CD200: variants seen among roughly 807,000 people sequenced by gnomAD.
The protein encoded by CD200 is CD200 molecule.
In CD200, 15 loss-of-function variants were observed where a neutral mutation model predicts 30.9. The observed-to-expected ratio is 0.49, with a 90% CI of 0.32 to 0.75. The LOEUF (loss-of-function observed/expected upper bound fraction) is 0.75. Among genes scored for constraint, CD200 ranks in the 30% least tolerant of loss-of-function variants. CD200 has a pLI of 0.03. For synonymous variants in CD200, 134 were observed against 126.2 expected, an observed-to-expected ratio of 1.06 and a Z score of -0.41; for missense variants, 262 against 324.2, an observed-to-expected ratio of 0.81 and a Z score of 1.47.
rs375561928 is a variant in CD200 at position 112,335,200 on chromosome 3, A to AT, written c.12+1984dup. Among the ~76,000 whole-genome samples the AT allele has an allele frequency of 9.8e-3, 1,488 of 152,056 alleles. 28 individuals carry two copies. Among genetic ancestry groups the AT allele is most frequent in the African/African-American group, 0.034 (1,400 of 41,478 alleles). ...TACTGAGAAAATTATCGAGTTATAT[A>AT]TTTTTTTTCACTTCAAAACCAAAGC... On this transcript the variant is annotated intron_variant, in intron 1 of 5. Coordinates refer to ENST00000315711, the MANE Select transcript of CD200 (RefSeq NM_005944.7).
intron 2 of CD200, among the ~76,000 whole-genome samples, chr3:112,342,345 CTTT>C (rs2081271675): frequency 8.6e-5 from 1 of 11,608 alleles, no homozygotes; most frequent in African/African-American, 2.8e-4. Flanking sequence ...TTCCTTCTTT[CTTT>C]CTTTCTTTCT....
Position 112,333,206 on chromosome 3 carries a change from A to G in CD200, c.-7A>G, listed in dbSNP as rs1212189488. The G allele has an allele frequency of 3.9e-6, 6 of 1,549,896 alleles. No homozygotes were observed. The highest frequency in any genetic ancestry group is 5.2e-6 in the Non-Finnish European group (6 of 1,146,564). ...CAGCCACCTCGCGCGCGCCTCCAGGAGCAAGGATGGAGAGGCTGGTGAGCG... is the reference window on the plus strand; with the variant it reads ...CAGCCACCTCGCGCGCGCCTCCAGGGGCAAGGATGGAGAGGCTGGTGAGCG... On this transcript the variant is annotated 5_prime_UTR_variant, in exon 1 of 6. Transcript: ENST00000315711.
At chr3:112,346,879 T>C (rs2081407994) in intron 3 of CD200, among the ~76,000 whole-genome samples, 1 of 152,248 alleles carries the variant, frequency 6.6e-6, no homozygotes, top group African/African-American at 2.4e-5. Flanking sequence ...AATTTTCTCA[T>C]GAGCTAGTTA....
intron 2 of CD200, among the ~76,000 whole-genome samples, chr3:112,342,188 G>A (rs2081253293): frequency 6.6e-6 from 1 of 151,776 alleles, no homozygotes; most frequent in Non-Finnish European, 1.5e-5. Flanking sequence ...GAGGGTAGGA[G>A]GTTTGGAAGT....
chr3:112,356,329 ATTAC>A (rs1376785694), intron 5 of CD200, among the ~76,000 whole-genome samples: 1 of 141,760 alleles, frequency 7.1e-6, no homozygotes, highest in Non-Finnish European at 1.5e-5. Context: ...TTTTAAAAAT[ATTAC>A]TTATTATGAA....
chr3:112,337,662 A>T (rs1453025640), intron 1 of CD200, among the ~76,000 whole-genome samples: 2 of 152,174 alleles, frequency 1.3e-5, no homozygotes, highest in African/African-American at 4.8e-5. Context: ...TAAGTTAGGG[A>T]CTATATCTGC....
In CD200 at chr3:112,361,522, C is replaced by T. The variant is rs765343740; in HGVS notation, c.803-21C>T. 28 of 1,586,780 alleles carry T rather than the reference C, an allele frequency of 1.8e-5. No homozygotes were observed. In the South Asian group the frequency reaches 2.7e-4, roughly 15 times the overall value. Reference sequence around the variant, plus strand: ...AATTTACAAGTGTCCAAAGTTAATACCTTGTTTTTCTTTTATCCAGAGCCC... The same window carrying T: ...AATTTACAAGTGTCCAAAGTTAATATCTTGTTTTTCTTTTATCCAGAGCCC... On this transcript the variant is annotated intron_variant, in intron 5 of 5. Transcript: ENST00000315711.
At chr3:112,342,349 C>T (rs1576595341) in intron 2 of CD200, among the ~76,000 whole-genome samples, 2 of 37,868 alleles carry the variant, frequency 5.3e-5, no homozygotes, top group Admixed American at 2.6e-4. Flanking sequence ...TTCTTTCTTT[C>T]TTTCTTTCTT....
At chr3:112,332,943 CTT>C (rs1377859174), upstream of CD200, 146 of 530,700 alleles carry the variant, frequency 2.8e-4, no homozygotes, top group African/African-American at 6.8e-4. Flanking sequence ...TTTCCAAACA[CTT>C]TGTCAGTTTC....
intron 2 of CD200, among the ~76,000 whole-genome samples, chr3:112,342,402 T>TTTC (rs2081283414): frequency 1.4e-5 from 1 of 69,310 alleles, no homozygotes; most frequent in Non-Finnish European, 2.9e-5. Flanking sequence ...TCTTTCTTTC[T>TTTC]TTCTTTCTTT....
In CD200 at chr3:112,333,171, C is replaced by A; in HGVS notation, c.-42C>A. On this transcript the variant is annotated 5_prime_UTR_variant, in exon 1 of 6. Coordinates refer to ENST00000315711, the MANE Select transcript of CD200 (RefSeq NM_005944.7). The stretch of plus-strand genomic sequence containing the variant: ...CCTGCCTAGCAGAGCTCCAGGCGCA[C>A]ATCCGCAGTCAGCCACCTCGCGCGC... The A allele has an allele frequency of 6.5e-7, 1 of 1,548,682 alleles. No individual in the cohort carries two copies.
intron 5 of CD200, among the ~76,000 whole-genome samples, chr3:112,358,343 A>G (rs2081667865): frequency 6.9e-6 from 1 of 145,706 alleles, no homozygotes; most frequent in Non-Finnish European, 1.5e-5. Flanking sequence ...AAGTCATTTC[A>G]GTAGCAGTCT....
intron 5 of CD200, among the ~76,000 whole-genome samples, chr3:112,357,508 A>G (rs2081650767): frequency 6.6e-6 from 1 of 152,162 alleles, no homozygotes; most frequent in African/African-American, 2.4e-5. Flanking sequence ...TCATTTTTGT[A>G]ATTACTAAAT....
rs564916483 is a variant in CD200, at chr3:112,353,999, G to A, written c.802+4180G>A. Among the ~76,000 whole-genome samples, 10 of 152,210 alleles carry A rather than the reference G, an allele frequency of 6.6e-5. No individual in the cohort carries two copies. In the South Asian group the frequency reaches 1.5e-3, roughly 22 times the overall value. On this transcript the variant is annotated intron_variant, in intron 5 of 5. Coordinates refer to ENST00000315711, the MANE Select transcript of CD200 (RefSeq NM_005944.7). ...TCTTGAATTCCAGGGCTATTTTTCCGCAAAAATTTTACAAATTTTGGGTGA... is the reference window on the plus strand; with the variant it reads ...TCTTGAATTCCAGGGCTATTTTTCCACAAAAATTTTACAAATTTTGGGTGA...
chr3:112,345,097 C>A lies in CD200; in HGVS notation c.230C>A (p.Thr77Asn), dbSNP rs1336469669. The change falls in exon 3 of 6, where the codon ACC (threonine) becomes AAC (asparagine). Residue 77 changes from threonine (T) to asparagine (N), a missense_variant. Thr to Asn is a moderately conservative substitution (Grantham distance 65, BLOSUM62 0). Coordinates refer to ENST00000315711, the MANE Select transcript of CD200 (RefSeq NM_005944.7). The part of the protein sequence containing the change: ...KKAVSPENMV[T>N]FSENHGVVIQ... ...GCTGTAAGCCCAGAAAACATGGTCA[C>A]CTTCAGCGAGAACCATGGGGTGGTG... 2 of 1,614,058 alleles carry A rather than the reference C, an allele frequency of 1.2e-6. No individual in the cohort carries two copies. Among genetic ancestry groups the A allele is most frequent in the Non-Finnish European group, 1.7e-6 (2 of 1,179,990 alleles).
At chr3:112,353,905 G>T (rs2081581808) in intron 5 of CD200, among the ~76,000 whole-genome samples, 2 of 152,138 alleles carry the variant, frequency 1.3e-5, no homozygotes, top group Non-Finnish European at 2.9e-5. Context: ...GAAGAAATGT[G>T]ATGCTTTACA....
intron 2 of CD200, among the ~76,000 whole-genome samples, chr3:112,343,226 A>C (rs1385382798): frequency 1.3e-5 from 2 of 151,872 alleles, no homozygotes; most frequent in African/African-American, 2.4e-5. Context: ...TATAAAGTAT[A>C]TAGTGTATAT....
chr3:112,354,628 G>A (rs1189650848), intron 5 of CD200, among the ~76,000 whole-genome samples: 3 of 152,108 alleles, frequency 2.0e-5, no homozygotes, highest in Non-Finnish European at 2.9e-5. Context: ...TTACAGAGGG[G>A]GAAACATCAT....
rs112085775 is a variant in CD200 at position 112,341,207 on chromosome 3, T to A, written c.94+224T>A. 2.0e-3 allele frequency among the ~76,000 whole-genome samples: 299 copies of A among 152,346 alleles called. 3 individuals are homozygous for A. Among genetic ancestry groups the A allele is most frequent in the East Asian group, 0.017 (87 of 5,188 alleles). On this transcript the variant is annotated intron_variant, in intron 2 of 5. Coordinates refer to ENST00000315711, the MANE Select transcript of CD200 (RefSeq NM_005944.7). ...ATTTAGAAGCCGTTTCCATAGTAGA[T>A]GAACCAGACTTATGAAAAAATCCTC...
Sources: allele counts gnomAD v4.1 joint callset (sites outside exome capture counted in the v4.1 genomes callset), GRCh38; gene constraint gnomAD v4.1.1; transcripts MANE v1.5; gene names NCBI Gene and HGNC (gene_info 2026-07-23, HGNC 2026-07-21).